PDZRN4: variants seen among roughly 807,000 people sequenced by gnomAD.
The protein encoded by PDZRN4 is PDZ domain containing ring finger 4, also known as PDZ domain-containing RING finger protein 4.
A neutral mutation model predicts 99.0 loss-of-function variants in PDZRN4; 70 were observed. The ratio of observed to expected loss-of-function variants is 0.71; its 90% CI spans 0.58 to 0.86. The LOEUF is 0.86. PDZRN4 is among the 40% of genes least tolerant of loss of function. The pLI is 0.00. For missense variants in PDZRN4, 1,474 were observed against 1,331.2 expected, an observed-to-expected ratio of 1.11 and a Z score of -1.67; for synonymous variants, 551 against 501.6, an observed-to-expected ratio of 1.10 and a Z score of -1.32.
chr12:41,509,619 C>T, intron 4 of PDZRN4, 192 bp from the exon 5 acceptor site: 1 of 394,026 alleles, frequency 2.5e-6, no homozygotes, highest in Admixed American at 4.4e-5. Context: ...TCAGAAATTG[C>T]AAATTGATGG....
At chr12:41,461,020 G>A (rs1952868180) in intron 3 of PDZRN4, among the ~76,000 whole-genome samples, 1 of 152,116 alleles carries the variant, frequency 6.6e-6, no homozygotes, top group Non-Finnish European at 1.5e-5. Flanking sequence ...CCTCTGCACT[G>A]AGTGATGTTC....
intron 3 of PDZRN4, among the ~76,000 whole-genome samples, chr12:41,445,423 G>A (rs1177629609): frequency 1.3e-5 from 2 of 152,168 alleles, no homozygotes; most frequent in African/African-American, 4.8e-5. Flanking sequence ...CTTTATAAGT[G>A]TTAAGTAATT....
chr12:41,220,444 G>A (rs1365337062), intron 3 of PDZRN4, among the ~76,000 whole-genome samples: 2 of 152,130 alleles, frequency 1.3e-5, no homozygotes, highest in Non-Finnish European at 2.9e-5. Context: ...TGGAGGTACT[G>A]AGGATTAAGG....
intron 3 of PDZRN4, among the ~76,000 whole-genome samples, chr12:41,283,797 T>C (rs1170132278): frequency 6.6e-6 from 1 of 152,122 alleles, no homozygotes; most frequent in East Asian, 1.9e-4. Context: ...AGGCTTTCAA[T>C]AAGATTCAAC....
chr12:41,285,423 C>T (rs1951416516), intron 3 of PDZRN4, among the ~76,000 whole-genome samples: 1 of 152,110 alleles, frequency 6.6e-6, no homozygotes, highest in East Asian at 1.9e-4. Flanking sequence ...TAAATTAGTT[C>T]AACCATTTTG....
intron 5 of PDZRN4, among the ~76,000 whole-genome samples, chr12:41,516,021 G>C (rs1158966223): frequency 6.6e-6 from 1 of 151,870 alleles, no homozygotes; most frequent in South Asian, 2.1e-4. Flanking sequence ...TCCTTTCTTT[G>C]TGCCTTTGCT....
intron 3 of PDZRN4, among the ~76,000 whole-genome samples, chr12:41,299,776 G>A (rs1951521778): frequency 6.6e-6 from 1 of 151,866 alleles, no homozygotes; most frequent in Non-Finnish European, 1.5e-5. Flanking sequence ...AACAGACTCA[G>A]CAATTTCAGT....
chr12:41,340,794 AAAG>A (rs1465770522), intron 3 of PDZRN4, among the ~76,000 whole-genome samples: 1 of 151,928 alleles, frequency 6.6e-6, no homozygotes, highest in Non-Finnish European at 1.5e-5. Flanking sequence ...CCATAGATTT[AAAG>A]AAGAACTAAT....
chr12:41,321,558 T>C (rs1188418786), intron 3 of PDZRN4, among the ~76,000 whole-genome samples: 1 of 152,230 alleles, frequency 6.6e-6, no homozygotes, highest in Non-Finnish European at 1.5e-5. Flanking sequence ...CCTCAGTTCC[T>C]AGAAATTCTA....
Position 41,249,469 on chromosome 12 carries a change from G to A in PDZRN4, c.843+55281G>A, listed in dbSNP as rs1277863672. ...ATGCCAGACAATATGGGAATGTACT[G>A]CTGTAAAGCCTGTGGTCTAGATTTG... On this transcript the variant is annotated intron_variant, in intron 3 of 9. Coordinates refer to ENST00000402685, the MANE Select transcript of PDZRN4 (RefSeq NM_001164595.2). Among the ~76,000 whole-genome samples the A allele has an allele frequency of 3.3e-5, 5 of 152,154 alleles. No individual in the cohort carries two copies. In the South Asian group the frequency reaches 6.2e-4, roughly 19 times the overall value.
intron 3 of PDZRN4, among the ~76,000 whole-genome samples, chr12:41,262,975 A>C (rs1482583757): frequency 6.8e-6 from 1 of 146,690 alleles, no homozygotes; most frequent in African/African-American, 2.7e-5. Context: ...ATATATATAA[A>C]ATATATCTCA....
chr12:41,441,170 A>C (rs1357430088), intron 3 of PDZRN4, among the ~76,000 whole-genome samples: 5 of 152,160 alleles, frequency 3.3e-5, no homozygotes, highest in African/African-American at 1.2e-4. Context: ...TATTAACAAG[A>C]AGCTGTTTAT....
chr12:41,482,215 G>A (rs1937684191), intron 3 of PDZRN4, among the ~76,000 whole-genome samples: 1 of 152,030 alleles, frequency 6.6e-6, no homozygotes, highest in Non-Finnish European at 1.5e-5. Flanking sequence ...AACCTAAGGT[G>A]GAAAGAAAGA....
Position 41,528,103 on chromosome 12 carries a change from G to T in PDZRN4, c.1203+18190G>T, listed in dbSNP as rs139368674. 6.8e-3 allele frequency among the ~76,000 whole-genome samples: 1,040 copies of T among 152,300 alleles called. 5 individuals are homozygous for T. Among genetic ancestry groups the T allele is most frequent in the Non-Finnish European group, 0.011 (772 of 68,018 alleles). Reference sequence around the variant, plus strand: ...ATTCTGTGAAATAGATTACAGTAGTGCCTACTTCTAAAATCCTAAAATGTT... The same window carrying T: ...ATTCTGTGAAATAGATTACAGTAGTTCCTACTTCTAAAATCCTAAAATGTT... On this transcript the variant is annotated intron_variant, in intron 5 of 9. Transcript: ENST00000402685.
chr12:41,558,785 A>G (rs892202364), intron 7 of PDZRN4, among the ~76,000 whole-genome samples: 3 of 152,322 alleles, frequency 2.0e-5, no homozygotes, highest in Non-Finnish European at 2.9e-5. Context: ...CTGGAATACA[A>G]TTCTGTTTGC....
intron 3 of PDZRN4, among the ~76,000 whole-genome samples, chr12:41,224,706 G>A (rs978172442): frequency 6.6e-5 from 10 of 152,100 alleles, no homozygotes; most frequent in African/African-American, 2.4e-4. Flanking sequence ...TTTAATCCTA[G>A]AGATGGGACA....
chr12:41,396,397 A>ATTGTTGTTG (rs141772109), intron 3 of PDZRN4, among the ~76,000 whole-genome samples: 3 of 151,732 alleles, frequency 2.0e-5, no homozygotes, highest in African/African-American at 4.8e-5. Context: ...AGCGTTTGCT[A>ATTGTTGTTG]TTGTTGTTGT....
intron 3 of PDZRN4, among the ~76,000 whole-genome samples, chr12:41,263,599 A>C (rs1039475375): frequency 6.6e-6 from 1 of 152,174 alleles, no homozygotes; most frequent in Non-Finnish European, 1.5e-5. Flanking sequence ...AGGCAGGAAA[A>C]TCATTTGAAC....
intron 3 of PDZRN4, among the ~76,000 whole-genome samples, chr12:41,372,480 T>C (rs539195951): frequency 1.3e-5 from 2 of 152,242 alleles, no homozygotes; most frequent in South Asian, 4.1e-4. Context: ...GGGGCAGTTG[T>C]TATTAAAGGA....
Sources: allele counts gnomAD v4.1 joint callset (sites outside exome capture counted in the v4.1 genomes callset), GRCh38; gene constraint gnomAD v4.1.1; transcripts MANE v1.5; gene names NCBI Gene and HGNC (gene_info 2026-07-23, HGNC 2026-07-21).